Variants in TNIP3 observed in about 807,000 individuals in gnomAD.
The protein encoded by TNIP3 is TNFAIP3 interacting protein 3.
Under a neutral mutation model 54.1 loss-of-function variants are expected in TNIP3, and 34 were observed. The ratio of observed to expected loss-of-function variants is 0.63; its 90% confidence interval spans 0.48 to 0.84. The LOEUF (loss-of-function observed/expected upper bound fraction) is 0.84. TNIP3 is among the 40% of genes least tolerant of loss of function. The pLI is 0.00. For missense variants in TNIP3, 366 were observed against 387.6 expected, an observed-to-expected ratio of 0.94 and a Z score of 0.47; for synonymous variants, 134 against 136.8, an observed-to-expected ratio of 0.98 and a Z score of 0.14.
At chr4:121,145,092 C>G (rs903519634) in intron 7 of TNIP3, among the ~76,000 whole-genome samples, 2 of 152,184 alleles carry the variant, frequency 1.3e-5, no homozygotes, top group African/African-American at 4.8e-5. Context: ...AAGAAAGCAA[C>G]TCAGAATGCC....
chr4:121,168,867 T>G (rs1366151928), upstream of TNIP3, among the ~76,000 whole-genome samples: 2 of 152,202 alleles, frequency 1.3e-5, no homozygotes, highest in South Asian at 4.1e-4. Context: ...TTTAAGAGCG[T>G]GTCCAGCAGT....
intron 5 of TNIP3, among the ~76,000 whole-genome samples, chr4:121,152,532 A>AT (rs1199531055): frequency 6.6e-5 from 10 of 152,282 alleles, no homozygotes; most frequent in Admixed American, 1.3e-4. Flanking sequence ...ATTGTCTACC[A>AT]AACATATTAT....
At chr4:121,179,902 G>A (rs1339675862) in intron 3 of TNIP3, among the ~76,000 whole-genome samples, 1 of 152,146 alleles carries the variant, frequency 6.6e-6, no homozygotes, top group Non-Finnish European at 1.5e-5. Context: ...GAAAGTACAT[G>A]TAGAAAAGCA....
intron 5 of TNIP3, chr4:121,154,303 T>C: frequency 2.2e-6 from 1 of 454,806 alleles, no homozygotes; most frequent in South Asian, 2.5e-5. Context: ...TTACTGTCTC[T>C]GTAATTCCTC....
chr4:121,190,675 GTCCTT>G (rs1333245645), intron 2 of TNIP3, among the ~76,000 whole-genome samples: 1 of 152,172 alleles, frequency 6.6e-6, no homozygotes, highest in Non-Finnish European at 1.5e-5. Context: ...GAGTTCAGAA[GTCCTT>G]TCCAAGTTCC....
At chr4:121,191,824 T>G (rs116723254) in intron 2 of TNIP3, among the ~76,000 whole-genome samples, 1 of 152,132 alleles carries the variant, frequency 6.6e-6, no homozygotes, top group Non-Finnish European at 1.5e-5. Flanking sequence ...TAAGGCTGAG[T>G]TTCATTGGGA....
At chr4:121,137,342 T>A (rs1448798937) in intron 10 of TNIP3, 1 of 152,218 alleles carries the variant, frequency 6.6e-6, no homozygotes, top group East Asian at 1.9e-4. Context: ...GTTAATGGTA[T>A]GCCTTTCTAA....
At chr4:121,183,640 C>T (rs1014699092) in intron 2 of TNIP3, among the ~76,000 whole-genome samples, 13 of 152,210 alleles carry the variant, frequency 8.5e-5, no homozygotes, top group Non-Finnish European at 1.3e-4. Context: ...TGAGCTCCAC[C>T]TCCTGTCAAA....
chr4:121,197,210 C>G (rs1008812381), intron 2 of TNIP3, among the ~76,000 whole-genome samples: 5 of 152,038 alleles, frequency 3.3e-5, no homozygotes, highest in African/African-American at 1.2e-4. Flanking sequence ...TTTGGATGTT[C>G]TTACATGAAT....
chr4:121,140,326 G>C (rs956066525), intron 9 of TNIP3, among the ~76,000 whole-genome samples: 3 of 151,590 alleles, frequency 2.0e-5, no homozygotes, highest in Middle Eastern at 3.4e-3. Flanking sequence ...AGAGCGAGAT[G>C]CCTTCTCAAA....
intron 2 of TNIP3, among the ~76,000 whole-genome samples, chr4:121,189,685 C>T (rs148925662): frequency 4.8e-4 from 73 of 152,166 alleles, no homozygotes; most frequent in African/African-American, 1.6e-3. Flanking sequence ...ACATTTTCCT[C>T]GGACAAGAAG....
upstream of TNIP3, among the ~76,000 whole-genome samples, chr4:121,221,281 T>C (rs529200006): frequency 6.6e-6 from 1 of 152,322 alleles, no homozygotes; most frequent in South Asian, 2.1e-4. Flanking sequence ...AGCCAGTTTG[T>C]ATGTTCAAGA....
intron 10 of TNIP3, among the ~76,000 whole-genome samples, chr4:121,134,309 C>T (rs1431353199): frequency 2.0e-5 from 3 of 152,126 alleles, no homozygotes; most frequent in African/African-American, 7.2e-5. Flanking sequence ...CAATCAGAAA[C>T]CATAGCTTTT....
chr4:121,171,723 TTTTTGTTTTG>T (rs376358497), intron 3 of TNIP3, among the ~76,000 whole-genome samples: 2 of 152,036 alleles, frequency 1.3e-5, no homozygotes, highest in African/African-American at 4.8e-5. Flanking sequence ...ACTCCCCTAC[TTTTTGTTTTG>T]TTTTGTTTTG....
At chr4:121,144,115 A>G (rs1300406105) in intron 7 of TNIP3, among the ~76,000 whole-genome samples, 2 of 152,206 alleles carry the variant, frequency 1.3e-5, no homozygotes, top group African/African-American at 4.8e-5. Context: ...GGAAATTCAC[A>G]TATGCAGAAT....
chr4:121,142,017 C>T (rs1018340403), intron 8 of TNIP3, 103 bp from the exon 9 acceptor site: 1 of 626,944 alleles, frequency 1.6e-6, no homozygotes, highest in Non-Finnish European at 2.6e-6. Flanking sequence ...TAAGGTTCCA[C>T]TTAATCTGGC....
intron 7 of TNIP3, among the ~76,000 whole-genome samples, chr4:121,145,601 TTTAA>T (rs1395083184): frequency 6.7e-6 from 1 of 149,386 alleles, no homozygotes; most frequent in Non-Finnish European, 1.5e-5. Flanking sequence ...AATAAAATTA[TTTAA>T]TTAAATATAA....
At chr4:121,183,992 C>T (rs769130290) in intron 2 of TNIP3, among the ~76,000 whole-genome samples, 3 of 152,064 alleles carry the variant, frequency 2.0e-5, no homozygotes, top group East Asian at 1.9e-4. Flanking sequence ...CCCAGTCCAT[C>T]GAAAAACTGT....
In TNIP3 at chr4:121,157,110, C is replaced by T. The variant is rs757960167; in HGVS notation, c.347G>A (p.Arg116Gln). Reference sequence around the variant, plus strand: ...CCCGCCCACCTCCTCCCGCTGCAGCCGGTCCCGGGTCAGGTCGCGCTGCCT... The same window carrying T: ...CCCGCCCACCTCCTCCCGCTGCAGCTGGTCCCGGGTCAGGTCGCGCTGCCT... ...DDRQRDLTRDRLQREEKEKER... is the reference protein window; with the variant it reads ...DDRQRDLTRDQLQREEKEKER... The change falls in exon 4 of 11, where the codon CGG becomes CAG. Residue 116 changes from arginine (R) to glutamine (Q), a missense_variant. Coordinates refer to ENST00000057513, the MANE Select transcript of TNIP3 (RefSeq NM_024873.6). 2 of 1,614,106 alleles carry T rather than the reference C, an allele frequency of 1.2e-6. No homozygotes were observed. The highest frequency in any genetic ancestry group is 8.5e-7 in the Non-Finnish European group (1 of 1,180,022).
Sources: allele counts gnomAD v4.1 joint callset (sites outside exome capture counted in the v4.1 genomes callset), GRCh38; gene constraint gnomAD v4.1.1; transcripts MANE v1.5; gene names NCBI Gene and HGNC (gene_info 2026-07-23, HGNC 2026-07-21).